Variants in AHCYL2 observed in about 807,000 individuals in gnomAD.
The protein encoded by AHCYL2 is adenosylhomocysteinase like 2.
Under a neutral mutation model 81.4 loss-of-function variants are expected in AHCYL2, and 28 were observed. The ratio of observed to expected loss-of-function variants is 0.34; its 90% confidence interval spans 0.25 to 0.47. The LOEUF is 0.47. Among genes scored for constraint, AHCYL2 ranks in the 20% least tolerant of loss-of-function variants. The pLI, the probability that AHCYL2 is intolerant of heterozygous loss-of-function variation, is 1.00. For synonymous variants in AHCYL2, 272 were observed against 290.2 expected, an observed-to-expected ratio of 0.94 and a Z score of 0.64; for missense variants, 551 against 785.1, an observed-to-expected ratio of 0.70 and a Z score of 3.56.
intron 12 of AHCYL2, among the ~76,000 whole-genome samples, chr7:129,418,977 G>A (rs1329222150): frequency 6.6e-6 from 1 of 152,200 alleles, no homozygotes; most frequent in Non-Finnish European, 1.5e-5. Context: ...TCAACTCAGT[G>A]AAACTGTGGG....
Position 129,265,495 on chromosome 7 carries a change from A to C in AHCYL2, c.363+40056A>C, listed in dbSNP as rs527723239. On this transcript the variant is annotated intron_variant, in intron 1 of 16. Coordinates refer to ENST00000325006, the MANE Select transcript of AHCYL2 (RefSeq NM_015328.4). ...AGAGAGTGAAGTAGTATTCTGGCAGAGTGTGGCAAGTGCACAGGTTCTGAG... is the reference window on the plus strand; with the variant it reads ...AGAGAGTGAAGTAGTATTCTGGCAGCGTGTGGCAAGTGCACAGGTTCTGAG... Among the ~76,000 whole-genome samples the C allele has an allele frequency of 3.7e-4, 56 of 152,236 alleles. 1 individual carries two copies. Among genetic ancestry groups the C allele is most frequent in the Non-Finnish European group, 2.9e-4 (20 of 68,010 alleles).
chr7:129,412,193 A>T (rs1796614208), intron 11 of AHCYL2, among the ~76,000 whole-genome samples: 1 of 152,150 alleles, frequency 6.6e-6, no homozygotes, highest in Non-Finnish European at 1.5e-5. Flanking sequence ...ACCAAAAAAA[A>T]TACAAAACTT....
intron 1 of AHCYL2, among the ~76,000 whole-genome samples, chr7:129,288,211 T>A (rs1261747856): frequency 6.6e-6 from 1 of 152,190 alleles, no homozygotes; most frequent in East Asian, 1.9e-4. Flanking sequence ...TGCTTTTTGT[T>A]TTGCAGTTTT....
At position 129,427,132 on chromosome 7, in the gene AHCYL2, C is replaced by A; in HGVS notation, c.*87C>A. 7.2e-7 allele frequency: 1 copy of A among 1,384,718 alleles called. No homozygotes were observed. Among genetic ancestry groups the A allele is most frequent in the Non-Finnish European group, 1.0e-6 (1 of 981,772 alleles). 85.8% of individuals were successfully genotyped at this position (1,384,718 alleles called of 1,614,324 possible). ...ATACAAGAAAGAATTCAGCAAGCTG[C>A]TTCTCCAATCAAAGCTGCCTGCCGT... is the stretch of plus-strand genomic sequence containing the variant. On this transcript the variant is annotated 3_prime_UTR_variant, in exon 17 of 17. Coordinates refer to ENST00000325006, the MANE Select transcript of AHCYL2 (RefSeq NM_015328.4). This position sits in a 1 kb window ranked among gnomAD's most constrained non-coding sequence, Gnocchi z 5.5.
intron 2 of AHCYL2, among the ~76,000 whole-genome samples, chr7:129,385,334 C>T (rs141793691): frequency 6.6e-6 from 1 of 152,178 alleles, no homozygotes; most frequent in East Asian, 1.9e-4. Flanking sequence ...AATTGCCTGA[C>T]ATAAAATAGT....
At chr7:129,393,129 T>C (rs1795549773) in intron 4 of AHCYL2, among the ~76,000 whole-genome samples, 2 of 152,158 alleles carry the variant, frequency 1.3e-5, no homozygotes, top group African/African-American at 2.4e-5. Flanking sequence ...ATTAATATGT[T>C]TTTTGGGCTG....
intron 4 of AHCYL2, among the ~76,000 whole-genome samples, chr7:129,390,661 G>C (rs1204083663): frequency 2.0e-5 from 3 of 152,172 alleles, no homozygotes; most frequent in Non-Finnish European, 4.4e-5. Context: ...AAAGCTGATA[G>C]CAAGATGCTT....
In AHCYL2 at chr7:129,328,558, C is replaced by T. The variant is rs961905741; in HGVS notation, c.364-51080C>T. ...GGTGTGCAGTGGCACAATCTCAGCT[C>T]ACCGCAACCTCCACCTCCCAGGCTC... On this transcript the variant is annotated intron_variant, in intron 1 of 16. Coordinates refer to ENST00000325006, the MANE Select transcript of AHCYL2 (RefSeq NM_015328.4). Among the ~76,000 whole-genome samples the T allele has an allele frequency of 1.3e-5, 2 of 151,948 alleles. 1 individual carries two copies. Among genetic ancestry groups the T allele is most frequent in the Admixed American group, 1.3e-4 (2 of 15,258 alleles).
intron 1 of AHCYL2, among the ~76,000 whole-genome samples, chr7:129,301,874 A>ATT (rs145841991): frequency 6.7e-5 from 10 of 149,792 alleles, no homozygotes; most frequent in African/African-American, 1.7e-4. Flanking sequence ...AAATTTTAGG[A>ATT]TTTTTTTTTT....
chr7:129,298,972 A>C (rs540438452), intron 1 of AHCYL2, among the ~76,000 whole-genome samples: 79 of 152,250 alleles, frequency 5.2e-4, no homozygotes, highest in Middle Eastern at 6.8e-3. Context: ...TGTTGTAACT[A>C]CTCAAACCTG....
intron 1 of AHCYL2, among the ~76,000 whole-genome samples, chr7:129,229,812 C>A (rs1794354372): frequency 6.6e-6 from 1 of 152,166 alleles, no homozygotes; most frequent in South Asian, 2.1e-4. Flanking sequence ...AAAAGCATTT[C>A]AAGATCAATG....
chr7:129,310,384 A>G (rs1797611871), intron 1 of AHCYL2, among the ~76,000 whole-genome samples: 2 of 152,176 alleles, frequency 1.3e-5, no homozygotes, highest in Admixed American at 6.5e-5. Flanking sequence ...TGGAATCACC[A>G]GGGAGTTTAT....
intron 1 of AHCYL2, among the ~76,000 whole-genome samples, chr7:129,270,863 C>G (rs1359005487): frequency 3.9e-5 from 6 of 152,152 alleles, no homozygotes; most frequent in Non-Finnish European, 8.8e-5. Flanking sequence ...GAATTTGTTA[C>G]CTGGGGTTGT....
chr7:129,347,096 G>A (rs1793388754), intron 1 of AHCYL2, among the ~76,000 whole-genome samples: 1 of 152,156 alleles, frequency 6.6e-6, no homozygotes, highest in South Asian at 2.1e-4. Flanking sequence ...AAAATATGGA[G>A]ACAGTGAAAC....
rs767423312 is a variant in AHCYL2 at position 129,354,454 on chromosome 7, A to G, written c.364-25184A>G. Among the ~76,000 whole-genome samples, 67 of 152,234 alleles carry G rather than the reference A, an allele frequency of 4.4e-4. 3 individuals carry two copies. Among genetic ancestry groups the G allele is most frequent in the Non-Finnish European group, 1.2e-4 (8 of 68,032 alleles). On this transcript the variant is annotated intron_variant, in intron 1 of 16. Transcript: ENST00000325006. The stretch of plus-strand genomic sequence containing the variant: ...CATTATGACAGCTGGTATGGAGACA[A>G]GAAGAAAGGGCTGAGTAAGGAAATG...
intron 4 of AHCYL2, among the ~76,000 whole-genome samples, chr7:129,391,998 A>G (rs1391038232): frequency 6.6e-6 from 1 of 152,194 alleles, no homozygotes; most frequent in African/African-American, 2.4e-5. Context: ...TGGTAGCTTA[A>G]AATAGTAAGT....
At chr7:129,280,391 A>T in intron 1 of AHCYL2, among the ~76,000 whole-genome samples, 1 of 151,732 alleles carries the variant, frequency 6.6e-6, no homozygotes, top group Non-Finnish European at 1.5e-5. Context: ...CTGGTCTGGA[A>T]CTCCTGACCT....
In AHCYL2 at chr7:129,398,750, C is replaced by T. The variant is rs74978115; in HGVS notation, c.823+1426C>T. Among the ~76,000 whole-genome samples the T allele has an allele frequency of 8.5e-5, 13 of 152,056 alleles. No homozygotes were observed. In the East Asian group the frequency reaches 2.5e-3, roughly 29 times the overall value. Reference sequence around the variant, plus strand: ...GCTGTAAGGGCAAATGAGACAATGTCCTTACCCTCAGAATCTTATATTTTG... The same window carrying T: ...GCTGTAAGGGCAAATGAGACAATGTTCTTACCCTCAGAATCTTATATTTTG... On this transcript the variant is annotated intron_variant, in intron 5 of 16. Transcript: ENST00000325006.
intron 1 of AHCYL2, among the ~76,000 whole-genome samples, chr7:129,339,378 T>C (rs1330353648): frequency 6.6e-6 from 1 of 152,202 alleles, no homozygotes; most frequent in Non-Finnish European, 1.5e-5. Flanking sequence ...CCTATTGATA[T>C]ACCAAACATA....
Sources: allele counts gnomAD v4.1 joint callset (sites outside exome capture counted in the v4.1 genomes callset), GRCh38; gene constraint gnomAD v4.1.1; non-coding constraint Gnocchi (gnomAD v3.1); transcripts MANE v1.5; gene names NCBI Gene and HGNC (gene_info 2026-07-23, HGNC 2026-07-21).